CHD9: variants seen among roughly 807,000 people sequenced by gnomAD.
CHD9 encodes ATP-dependent chromatin remodeler CHD9.
Under a neutral mutation model 316.1 loss-of-function variants are expected in CHD9, and 77 were observed. The observed-to-expected ratio is 0.24, with a 90% confidence interval of 0.20 to 0.29. The LOEUF is 0.29. CHD9 is among the 10% of genes least tolerant of loss of function. The pLI is 1.00. For missense variants in CHD9, 2,763 were observed against 3,438.1 expected, an observed-to-expected ratio of 0.80 and a Z score of 4.91; for synonymous variants, 1,129 against 1,158.3, an observed-to-expected ratio of 0.97 and a Z score of 0.51.
chr16:53,077,997 C>T (rs919742774), intron 1 of CHD9, among the ~76,000 whole-genome samples: 1 of 152,050 alleles, frequency 6.6e-6, no homozygotes, highest in Non-Finnish European at 1.5e-5. Context: ...TCGCTTGAAC[C>T]GGGGAGGTGG....
intron 22 of CHD9, among the ~76,000 whole-genome samples, chr16:53,269,634 A>G (rs2052038732): frequency 6.6e-6 from 1 of 152,196 alleles, no homozygotes; most frequent in Non-Finnish European, 1.5e-5. Flanking sequence ...AATCACACAA[A>G]TGTAATTTCA....
chr16:53,150,083 T>C (rs1447354044), intron 1 of CHD9, among the ~76,000 whole-genome samples: 3 of 152,142 alleles, frequency 2.0e-5, no homozygotes, highest in Non-Finnish European at 2.9e-5. Flanking sequence ...AAGTAGAAAA[T>C]TTCATTCATT....
chr16:53,122,449 C>G (rs1174788375), intron 1 of CHD9, among the ~76,000 whole-genome samples: 1 of 151,612 alleles, frequency 6.6e-6, no homozygotes, highest in African/African-American at 2.4e-5. Context: ...AAAATATTAT[C>G]TTTTTGTCTC....
At chr16:53,108,449 G>A (rs923962779) in intron 1 of CHD9, among the ~76,000 whole-genome samples, 1 of 152,070 alleles carries the variant, frequency 6.6e-6, no homozygotes, top group Non-Finnish European at 1.5e-5. Flanking sequence ...AGGCTGCAGT[G>A]AGCTATGATT....
intron 2 of CHD9, chr16:53,169,306 C>T (rs952672035): frequency 6.6e-6 from 1 of 152,172 alleles, no homozygotes; most frequent in African/African-American, 2.4e-5. Flanking sequence ...GCAGCCCTCC[C>T]ACCTTGACCT....
chr16:53,090,856 A>G (rs898013783), intron 1 of CHD9, among the ~76,000 whole-genome samples: 1 of 152,030 alleles, frequency 6.6e-6, no homozygotes, highest in African/African-American at 2.4e-5. Context: ...GTCCCAGCAG[A>G]GTCTGGCTCA....
chr16:53,104,341 C>G (rs1309163815), intron 1 of CHD9, among the ~76,000 whole-genome samples: 1 of 152,206 alleles, frequency 6.6e-6, no homozygotes, highest in Non-Finnish European at 1.5e-5. Context: ...CCTTGGCTCT[C>G]AGGCCACTAT....
intron 1 of CHD9, among the ~76,000 whole-genome samples, chr16:53,136,346 A>G (rs1266980164): frequency 1.3e-5 from 2 of 152,190 alleles, no homozygotes; most frequent in Non-Finnish European, 2.9e-5. Context: ...CTTACTAATC[A>G]GTAGCAGTAT....
At chr16:53,056,839 G>T (rs2032184998) in intron 1 of CHD9, among the ~76,000 whole-genome samples, 1 of 152,200 alleles carries the variant, frequency 6.6e-6, no homozygotes, top group African/African-American at 2.4e-5. Flanking sequence ...CAGGAAGAAA[G>T]TGCAGTAGAT....
chr16:53,170,040 T>G (rs575435542), intron 2 of CHD9, among the ~76,000 whole-genome samples: 91 of 79,558 alleles, frequency 1.1e-3, no homozygotes, highest in East Asian at 4.3e-3. Flanking sequence ...GGTTAAGCAG[T>G]TTTTTTTTGT....
chr16:53,117,849 G>A (rs1317232832), intron 1 of CHD9, among the ~76,000 whole-genome samples: 6 of 147,286 alleles, frequency 4.1e-5, no homozygotes, highest in East Asian at 4.0e-4. Flanking sequence ...TTTTTGAGAC[G>A]GAGTCTCTCT....
At chr16:53,193,244 C>T (rs1597372666) in intron 2 of CHD9, among the ~76,000 whole-genome samples, 4 of 151,930 alleles carry the variant, frequency 2.6e-5, no homozygotes, top group East Asian at 3.9e-4. Flanking sequence ...GTCAGGAGAT[C>T]GAGACCATCC....
At chr16:53,129,981 TACGCCCCCTGCTCCTAAACCAGTATC>T (rs1451408762) in intron 1 of CHD9, among the ~76,000 whole-genome samples, 8 of 152,168 alleles carry the variant, frequency 5.3e-5, no homozygotes, top group African/African-American at 1.9e-4. Flanking sequence ...GGTTTTCCAG[TACGCCCCCTGCTCCTAAACCAGTATC>T]ACCCTCCCCC....
chr16:53,080,245 G>C (rs139793001), intron 1 of CHD9, among the ~76,000 whole-genome samples: 2 of 152,146 alleles, frequency 1.3e-5, no homozygotes, highest in Admixed American at 1.3e-4. Flanking sequence ...TGGCAAGAAG[G>C]GTTTTTTTCT....
chr16:53,063,086 C>T (rs369400730), intron 1 of CHD9, among the ~76,000 whole-genome samples: 1 of 152,036 alleles, frequency 6.6e-6, no homozygotes, highest in Non-Finnish European at 1.5e-5. Context: ...ATACCCACCA[C>T]TTACTGGGTA....
At chr16:53,229,127 A>T in intron 8 of CHD9, 27 bp downstream of exon 8, 2 of 1,216,356 alleles carry the variant, frequency 1.6e-6, no homozygotes, top group Non-Finnish European at 2.4e-6. Context: ...TAAGACTATT[A>T]TGTGTTGGTC....
intron 3 of CHD9, among the ~76,000 whole-genome samples, chr16:53,222,054 T>A (rs2047287136): frequency 6.6e-6 from 1 of 152,076 alleles, no homozygotes; most frequent in Non-Finnish European, 1.5e-5. Context: ...ATTTATTTAT[T>A]TATTTGTTTG....
At chr16:53,083,671 C>T (rs913623819) in intron 1 of CHD9, among the ~76,000 whole-genome samples, 3 of 152,126 alleles carry the variant, frequency 2.0e-5, no homozygotes, top group Non-Finnish European at 4.4e-5. Context: ...CCTCTTTTCT[C>T]TCACAGAGAT....
At chr16:53,176,967 A>G (rs896013785) in intron 2 of CHD9, among the ~76,000 whole-genome samples, 1 of 151,918 alleles carries the variant, frequency 6.6e-6, no homozygotes, top group African/African-American at 2.4e-5. Flanking sequence ...TTATATATAT[A>G]TTTTTTGAGA....
Sources: allele counts gnomAD v4.1 joint callset (sites outside exome capture counted in the v4.1 genomes callset), GRCh38; gene constraint gnomAD v4.1.1; transcripts MANE v1.5; gene names NCBI Gene and HGNC (gene_info 2026-07-23, HGNC 2026-07-21).